The following RYR2 variants were observed in gnomAD, a reference collection of about 807,000 sequenced individuals.
The protein encoded by RYR2 is cardiac muscle ryanodine receptor-calcium release channel.
In RYR2, 227 loss-of-function variants were observed where a neutral mutation model predicts 601.1. The ratio of observed to expected loss-of-function variants is 0.38; its 90% CI spans 0.34 to 0.42. RYR2 has a LOEUF of 0.42. Among genes scored for constraint, RYR2 ranks in the 10% least tolerant of loss-of-function variants. The probability of loss-of-function intolerance (pLI) is 1.00; values close to 1 mark genes in which losing one functional copy is unlikely to be tolerated. For synonymous variants in RYR2, 2,223 were observed against 2,175.1 expected (o/e 1.02, Z -0.61); for missense variants, 4,646 against 6,156.5 (o/e 0.75, Z 8.21).
At chr1:237,112,321 T>C (rs7523870) in intron 1 of RYR2, among the ~76,000 whole-genome samples, 42,892 of 151,788 alleles carry the variant, frequency 0.28, 6,588 homozygotes, top group East Asian at 0.63. Flanking sequence ...ACCATGTTGG[T>C]CAGGCTGGTC....
chr1:237,790,297 G>A (rs1301544336), intron 92 of RYR2, among the ~76,000 whole-genome samples: 1 of 151,966 alleles, frequency 6.6e-6, no homozygotes, highest in Non-Finnish European at 1.5e-5. Flanking sequence ...ACAACCCAAC[G>A]ATAATTATTC....
At chr1:237,392,054 A>G (rs1702430670) in intron 10 of RYR2, among the ~76,000 whole-genome samples, 1 of 152,074 alleles carries the variant, frequency 6.6e-6, no homozygotes, top group Non-Finnish European at 1.5e-5. Flanking sequence ...TAAAAATATA[A>G]CCTATAGTAG....
intron 1 of RYR2, among the ~76,000 whole-genome samples, chr1:237,101,866 C>A (rs557531187): frequency 7.2e-5 from 11 of 152,128 alleles, no homozygotes; most frequent in Non-Finnish European, 1.6e-4. Flanking sequence ...GTATTTCTTC[C>A]ATCTAAGCAA....
At chr1:237,756,670 G>C (rs1692981375) in intron 81 of RYR2, among the ~76,000 whole-genome samples, 1 of 152,038 alleles carries the variant, frequency 6.6e-6, no homozygotes, top group Non-Finnish European at 1.5e-5. Context: ...CTATAAAATG[G>C]GGGTGCACGA....
chr1:237,203,543 A>C (rs961039636), intron 1 of RYR2, among the ~76,000 whole-genome samples: 3 of 152,178 alleles, frequency 2.0e-5, no homozygotes, highest in African/African-American at 7.2e-5. Context: ...CCAATAATCT[A>C]TACAATTATT....
At chr1:237,787,607 A>C (rs567255048) in intron 91 of RYR2, among the ~76,000 whole-genome samples, 45 of 151,562 alleles carry the variant, frequency 3.0e-4, no homozygotes, top group African/African-American at 6.1e-4. Context: ...CAAAAAAAAA[A>C]AAAAAAAAAA....
chr1:237,165,129 T>A (rs1423385551), intron 1 of RYR2, among the ~76,000 whole-genome samples: 12 of 149,758 alleles, frequency 8.0e-5, no homozygotes, highest in Admixed American at 6.0e-4. Flanking sequence ...GCTAATTAAT[T>A]TTTTTTTTTG....
chr1:237,420,271 C>T (rs1705422914), intron 11 of RYR2, among the ~76,000 whole-genome samples: 1 of 152,052 alleles, frequency 6.6e-6, no homozygotes, highest in Non-Finnish European at 1.5e-5. Context: ...AATAGGAATA[C>T]TCATGGAAAT....
At chr1:237,808,738 G>C (rs1660935657) in intron 99 of RYR2, among the ~76,000 whole-genome samples, 163 bp from the exon 100 acceptor site, 1 of 152,042 alleles carries the variant, frequency 6.6e-6, no homozygotes, top group Admixed American at 6.6e-5. Flanking sequence ...ATAAATGTCT[G>C]CATGAGGGGG....
chr1:237,592,350 A>G (rs1490026903), intron 32 of RYR2, among the ~76,000 whole-genome samples: 1 of 152,192 alleles, frequency 6.6e-6, no homozygotes, highest in Non-Finnish European at 1.5e-5. Context: ...AAATGAGTTT[A>G]GGCCAGGTGC....
At chr1:237,443,397 A>G (rs1249565674) in intron 13 of RYR2, among the ~76,000 whole-genome samples, 1 of 152,082 alleles carries the variant, frequency 6.6e-6, no homozygotes, top group African/African-American at 2.4e-5. Context: ...TGCTATTTCA[A>G]TTTTACTTAG....
chr1:237,147,095 A>G (rs1674080626), intron 1 of RYR2, among the ~76,000 whole-genome samples: 1 of 152,182 alleles, frequency 6.6e-6, no homozygotes, highest in African/African-American at 2.4e-5. Context: ...TTATCTATTG[A>G]AAATATAGAT....
chr1:237,639,543 G>A (rs114951852), intron 46 of RYR2, among the ~76,000 whole-genome samples: 352 of 152,260 alleles, frequency 2.3e-3, no homozygotes, highest in African/African-American at 7.8e-3. Flanking sequence ...TAGTGGGAAG[G>A]TAGTTAGAAT....
intron 5 of RYR2, among the ~76,000 whole-genome samples, chr1:237,366,022 A>G (rs1700167751): frequency 6.6e-6 from 1 of 152,250 alleles, no homozygotes; most frequent in Non-Finnish European, 1.5e-5. Context: ...GGGCATATGC[A>G]TGCAATTACA....
chr1:237,776,092 T>C (rs914113263), intron 87 of RYR2, among the ~76,000 whole-genome samples: 3 of 152,220 alleles, frequency 2.0e-5, no homozygotes, highest in Non-Finnish European at 4.4e-5. Context: ...TATTTCTGAC[T>C]TGAAGAAAAA....
At chr1:237,243,187 G>C (rs1686396358) in intron 1 of RYR2, among the ~76,000 whole-genome samples, 2 of 152,092 alleles carry the variant, frequency 1.3e-5, no homozygotes, top group African/African-American at 4.8e-5. Context: ...CCCTAGCTGA[G>C]TGTCCTCTTC....
intron 3 of RYR2, chr1:237,353,002 G>T (rs77704048): frequency 5.3e-6 from 2 of 377,144 alleles, no homozygotes; most frequent in Non-Finnish European, 1.1e-5. Context: ...TAGTAGCTTC[G>T]TGTCATTTTA....
intron 2 of RYR2, among the ~76,000 whole-genome samples, chr1:237,328,196 C>T (rs1306843070): frequency 6.6e-6 from 1 of 152,002 alleles, no homozygotes; most frequent in Admixed American, 6.6e-5. Flanking sequence ...GATAACATAG[C>T]GCCCTTTCAG....
intron 1 of RYR2, among the ~76,000 whole-genome samples, chr1:237,055,944 A>G (rs1661958148): frequency 6.6e-6 from 1 of 152,038 alleles, no homozygotes; most frequent in South Asian, 2.1e-4. Context: ...GGAGCACTGC[A>G]CCTGTGAGGA....
Sources: allele counts gnomAD v4.1 joint callset (sites outside exome capture counted in the v4.1 genomes callset), GRCh38; gene constraint gnomAD v4.1.1; transcripts MANE v1.5; gene names NCBI Gene and HGNC (gene_info 2026-07-23, HGNC 2026-07-21).